DIPK2B: variants seen among roughly 807,000 people sequenced by gnomAD.
The protein encoded by DIPK2B is UPF0672 protein CXorf36.
A neutral mutation model predicts 22.2 loss-of-function variants in DIPK2B; 15 were observed. That is an observed-to-expected ratio of 0.68 (90% CI 0.45 to 1.04). DIPK2B has a LOEUF of 1.04. Among genes scored for constraint, DIPK2B ranks in the 50% least tolerant of loss-of-function variants. DIPK2B has a pLI of 0.00. For synonymous variants in DIPK2B, 163 were observed against 153.2 expected, an observed-to-expected ratio of 1.06 and a Z score of -0.47; for missense variants, 345 against 348.3, an observed-to-expected ratio of 0.99 and a Z score of 0.08.
intron 2 of DIPK2B, among the ~76,000 whole-genome samples, chrX:45,159,584 G>A (rs1439766998): frequency 1.8e-5 from 2 of 111,640 alleles, no homozygotes; most frequent in Non-Finnish European, 3.8e-5. Context: ...TATTCAGACT[G>A]TATTTGTGGA....
rs553975873 is a variant in DIPK2B, at chrX:45,162,703, C to A, written c.499-4815G>T. ...CATGGGCAACAGGGCTAACTTACCA[C>A]CTCCCAGTGAAAAATAAAAAGATAA... On this transcript the variant is annotated intron_variant, in intron 2 of 4. Coordinates refer to ENST00000398000, the MANE Select transcript of DIPK2B (RefSeq NM_176819.4). 1.3e-5 allele frequency: 10 copies of A among 753,050 alleles called. No homozygotes were observed. In the African/African-American group the frequency reaches 1.4e-4, roughly 10 times the overall value. The allele number at this position is 753,050 out of a possible 1,213,427, so 62.1% of individuals were successfully genotyped here.
chrX:45,166,524 T>A (rs188885537), intron 2 of DIPK2B, among the ~76,000 whole-genome samples: 1 of 111,320 alleles, frequency 9.0e-6, no homozygotes, highest in Non-Finnish European at 1.9e-5. Context: ...GGGAATGGCA[T>A]GGAAGATAAT....
At chrX:45,196,508 T>C (rs1006080599) in intron 1 of DIPK2B, among the ~76,000 whole-genome samples, 11 of 111,529 alleles carry the variant, frequency 9.9e-5, no homozygotes, top group Non-Finnish European at 1.7e-4. Flanking sequence ...ACGATTTAGT[T>C]ATTTTACTGT....
intron 1 of DIPK2B, among the ~76,000 whole-genome samples, chrX:45,193,426 GTGT>G (rs1038167080): frequency 4.5e-5 from 5 of 111,952 alleles, no homozygotes; most frequent in African/African-American, 1.6e-4. Flanking sequence ...ACCCTAGACT[GTGT>G]TGTTTTTTTC....
chrX:45,160,542 C>T (rs143427563), intron 2 of DIPK2B, among the ~76,000 whole-genome samples: 1,690 of 111,580 alleles, frequency 0.015, 13 homozygotes, highest in South Asian at 0.048. Context: ...AATACAGACC[C>T]TAAAAGATTT....
rs192040974 is a variant in DIPK2B, at chrX:45,176,259, T to G, written c.498+15492A>C. On this transcript the variant is annotated intron_variant, in intron 2 of 4. Coordinates refer to ENST00000398000, the MANE Select transcript of DIPK2B (RefSeq NM_176819.4). ...AGAACAATGAACGTCAAGAATGAAG[T>G]GAGCCTCATGAGTTTCCACACATTA... Among the ~76,000 whole-genome samples the G allele has an allele frequency of 5.6e-3, 578 of 102,648 alleles. 1 individual carries two copies. Among genetic ancestry groups the G allele is most frequent in the African/African-American group, 0.024 (545 of 22,491 alleles). 89.1% of individuals were successfully genotyped at this position (102,648 alleles called of 115,157 possible).
intron 1 of DIPK2B, among the ~76,000 whole-genome samples, chrX:45,194,132 G>A (rs1285377543): frequency 8.9e-6 from 1 of 112,152 alleles, no homozygotes; most frequent in East Asian, 2.8e-4. Flanking sequence ...CTGAGGCACA[G>A]AGTGATTATG....
chrX:45,158,162 C>T (rs893632168), intron 2 of DIPK2B, among the ~76,000 whole-genome samples: 2 of 106,615 alleles, frequency 1.9e-5, no homozygotes, highest in Non-Finnish European at 3.9e-5. Context: ...GTGGGAGGCC[C>T]CCTCCCCCAC....
chrX:45,200,065 A>G (rs1173489037), intron 1 of DIPK2B, among the ~76,000 whole-genome samples: 1 of 111,959 alleles, frequency 8.9e-6, no homozygotes, highest in Non-Finnish European at 1.9e-5. Context: ...TTTTTAAAAA[A>G]TAAATTTTAT....
chrX:45,196,962 A>G (rs2047242046), intron 1 of DIPK2B, among the ~76,000 whole-genome samples: 1 of 112,144 alleles, frequency 8.9e-6, no homozygotes, highest in East Asian at 2.8e-4. Flanking sequence ...ATTCATCCTT[A>G]GCATTCTTGC....
intron 2 of DIPK2B, among the ~76,000 whole-genome samples, chrX:45,165,574 C>A (rs2047044253): frequency 9.0e-6 from 1 of 111,106 alleles, no homozygotes; most frequent in South Asian, 3.9e-4. Context: ...TAGCCCCATG[C>A]TGCAACATGG....
At chrX:45,164,462 T>C (rs2047037471) in intron 2 of DIPK2B, among the ~76,000 whole-genome samples, 1 of 111,215 alleles carries the variant, frequency 9.0e-6, no homozygotes, top group South Asian at 3.8e-4. Flanking sequence ...GTGGCTCACA[T>C]GGATGAAGCT....
At chrX:45,162,848 GA>G in intron 2 of DIPK2B, 1 of 754,397 alleles carries the variant, frequency 1.3e-6, no homozygotes, top group East Asian at 1.5e-4. Flanking sequence ...CTATTGACTG[GA>G]ATTTTGCTTG....
chrX:45,173,106 TTGTTTC>T (rs745968486), intron 2 of DIPK2B, among the ~76,000 whole-genome samples: 1 of 111,450 alleles, frequency 9.0e-6, no homozygotes, highest in South Asian at 3.8e-4. Context: ...CATCAGGAGA[TTGTTTC>T]TGTTTTATAG....
chrX:45,195,672 A>G lies in DIPK2B; in HGVS notation c.234-3657T>C, dbSNP rs889960445. On this transcript the variant is annotated intron_variant, in intron 1 of 4. Coordinates refer to ENST00000398000, the MANE Select transcript of DIPK2B (RefSeq NM_176819.4). ...AGTTAAGCTTAGAGCTCCTTAGTTA[A>G]GCTTAGAGCTTGGTTCACAATGCTC... Among the ~76,000 whole-genome samples the G allele has an allele frequency of 3.7e-4, 42 of 112,099 alleles. 1 individual carries two copies. The highest frequency in any genetic ancestry group is 3.4e-4 in the Non-Finnish European group (18 of 53,235).
chrX:45,172,707 A>C (rs4475638), intron 2 of DIPK2B, among the ~76,000 whole-genome samples: 31,142 of 111,120 alleles, frequency 0.28, 3,650 homozygotes, highest in East Asian at 0.44. Context: ...GCTAGCAGGG[A>C]AGCTGACGCA....
At chrX:45,175,813 T>G (rs962922741) in intron 2 of DIPK2B, among the ~76,000 whole-genome samples, 1 of 104,996 alleles carries the variant, frequency 9.5e-6, no homozygotes, top group African/African-American at 3.5e-5. Context: ...GAAAAGAAAG[T>G]TTTTGAACTG....
intron 2 of DIPK2B, among the ~76,000 whole-genome samples, chrX:45,176,107 G>A (rs768561613): frequency 6.3e-5 from 7 of 110,303 alleles, no homozygotes; most frequent in Non-Finnish European, 3.8e-5. Flanking sequence ...ATAATCTGAC[G>A]GCCCCCTGAG....
chrX:45,189,803 G>T (rs2047201973), intron 2 of DIPK2B, among the ~76,000 whole-genome samples: 1 of 111,682 alleles, frequency 9.0e-6, no homozygotes, highest in Admixed American at 9.5e-5. Context: ...GAGCTTAATG[G>T]CTAGGAGAAT....
Sources: allele counts gnomAD v4.1 joint callset (sites outside exome capture counted in the v4.1 genomes callset), GRCh38; gene constraint gnomAD v4.1.1; transcripts MANE v1.5; gene names NCBI Gene and HGNC (gene_info 2026-07-23, HGNC 2026-07-21).